Variants in XPO7 observed in about 807,000 individuals in gnomAD.
XPO7 encodes the protein exportin-7.
Under a neutral mutation model 144.3 loss-of-function variants are expected in XPO7, and 21 were observed. The observed-to-expected ratio is 0.15, with a 90% CI of 0.10 to 0.21. The LOEUF is 0.21. Ranked by LOEUF, XPO7 falls within the 10% of genes least tolerant of loss-of-function variation. XPO7 has a pLI of 1.00. For missense variants in XPO7, 808 were observed against 1,325.8 expected, an observed-to-expected ratio of 0.61 and a Z score of 6.06; for synonymous variants, 580 against 499.6, an observed-to-expected ratio of 1.16 and a Z score of -2.15.
rs1812219409 is a variant in XPO7 at position 21,976,275 on chromosome 8, C to G, written c.598-81C>G. On this transcript the variant is annotated intron_variant, in intron 6 of 27. Coordinates refer to ENST00000252512, the MANE Select transcript of XPO7 (RefSeq NM_015024.5). ...CTAACATATAGCCCTCCTTTTCTGACTTAACAGCTTTGTTGAGTCTGGGAG... is the reference window on the plus strand; with the variant it reads ...CTAACATATAGCCCTCCTTTTCTGAGTTAACAGCTTTGTTGAGTCTGGGAG... The G allele has an allele frequency of 5.3e-6, 8 of 1,507,766 alleles. No individual in the cohort carries two copies. The South Asian group carries it at 8.8e-5, about 17-fold the overall frequency. The allele number at this position is 1,507,766 out of a possible 1,614,324, so 93.4% of individuals were successfully genotyped here. A position where few individuals can be genotyped will look rare whatever the true frequency, so the allele number is the denominator to read the frequency against.
intron 24 of XPO7, 73 bp downstream of exon 24, chr8:21,999,747 C>A: frequency 6.3e-7 from 1 of 1,583,536 alleles, no homozygotes; most frequent in Non-Finnish European, 8.6e-7. Flanking sequence ...AAGAGAGAAT[C>A]TTGCCCCAGT....
In XPO7 at chr8:21,939,252, G is replaced by A. The variant is rs536194351; in HGVS notation, c.18+19464G>A. Among the ~76,000 whole-genome samples, 46 of 142,534 alleles carry A rather than the reference G, an allele frequency of 3.2e-4. No individual in the cohort carries two copies. In the South Asian group the frequency reaches 4.3e-3, roughly 13 times the overall value. The allele number at this position is 142,534 out of a possible 152,430, so 93.5% of individuals were successfully genotyped here. A position where few individuals can be genotyped will look rare whatever the true frequency, so the allele number is the denominator to read the frequency against. On this transcript the variant is annotated intron_variant, in intron 1 of 27. Coordinates refer to ENST00000252512, the MANE Select transcript of XPO7 (RefSeq NM_015024.5). ...TTTTTTTTTTTTGAGATGGAGTTTC[G>A]CTCTTCTTGCTGAGGCTGAAGTGCA...
chr8:21,998,975 G>C (rs1813044566), intron 22 of XPO7, 116 bp from the exon 23 acceptor site: 1 of 1,456,328 alleles, frequency 6.9e-7, no homozygotes, highest in Non-Finnish European at 9.5e-7. Context: ...ATGTGCATTA[G>C]AGTGCCACCT....
intron 17 of XPO7, 186 bp from the exon 18 acceptor site, chr8:21,990,625 T>C: frequency 1.4e-6 from 1 of 703,890 alleles, no homozygotes; most frequent in African/African-American, 1.8e-5. Flanking sequence ...CTGCTACTCA[T>C]ACTGCAGATA....
chr8:21,990,156 GTGT>G (rs1812722540), intron 16 of XPO7, among the ~76,000 whole-genome samples, 185 bp from the exon 17 acceptor site: 1 of 151,882 alleles, frequency 6.6e-6, no homozygotes, highest in Non-Finnish European at 1.5e-5. Context: ...GCCAGTATAG[GTGT>G]TTTCTTACTG....
intron 5 of XPO7, 82 bp downstream of exon 5, chr8:21,972,023 CT>C: frequency 6.6e-6 from 9 of 1,369,900 alleles, no homozygotes; most frequent in South Asian, 2.4e-5. Context: ...GTGGGATGAT[CT>C]TTTTTGGCAG....
intron 1 of XPO7, among the ~76,000 whole-genome samples, chr8:21,958,903 G>A (rs1219280287): frequency 6.6e-6 from 1 of 150,934 alleles, no homozygotes; most frequent in Non-Finnish European, 1.5e-5. Context: ...AGAGGTTGCA[G>A]TGAGCCGAGT....
chr8:21,984,345 G>A (rs1248537682), intron 11 of XPO7, among the ~76,000 whole-genome samples: 1 of 152,090 alleles, frequency 6.6e-6, no homozygotes, highest in Non-Finnish European at 1.5e-5. Flanking sequence ...AGAGTCAAGA[G>A]GTCAGACAGT....
At chr8:21,962,161 A>T (rs1811745905) in intron 1 of XPO7, among the ~76,000 whole-genome samples, 1 of 152,224 alleles carries the variant, frequency 6.6e-6, no homozygotes, top group South Asian at 2.1e-4. Context: ...GTGCATTTAT[A>T]AACATTCAAA....
intron 5 of XPO7, among the ~76,000 whole-genome samples, chr8:21,972,176 C>CTT (rs879403891): frequency 4.1e-5 from 6 of 144,844 alleles, no homozygotes; most frequent in African/African-American, 1.5e-4. Flanking sequence ...TCCATCTTAG[C>CTT]TTTTTTTTTT....
At chr8:21,960,670 A>C (rs1811698419) in intron 1 of XPO7, among the ~76,000 whole-genome samples, 1 of 152,236 alleles carries the variant, frequency 6.6e-6, no homozygotes, top group African/African-American at 2.4e-5. Flanking sequence ...CACTTGCTGA[A>C]AATAAGTATT....
chr8:21,950,490 T>C (rs776528063), intron 1 of XPO7, among the ~76,000 whole-genome samples: 1 of 152,220 alleles, frequency 6.6e-6, no homozygotes, highest in East Asian at 1.9e-4. Flanking sequence ...TTGACATGTT[T>C]AGGTTGCATC....
intron 15 of XPO7, 37 bp from the exon 16 acceptor site, chr8:21,988,966 A>G: frequency 1.3e-6 from 2 of 1,593,668 alleles, no homozygotes. Flanking sequence ...GCAAATCAAA[A>G]GGGTCTCCTG....
intron 1 of XPO7, among the ~76,000 whole-genome samples, chr8:21,958,744 G>C (rs1811622819): frequency 6.6e-6 from 1 of 152,010 alleles, no homozygotes; most frequent in South Asian, 2.1e-4. Flanking sequence ...TGGAATACCT[G>C]AGGTCAGGAG....
intron 1 of XPO7, among the ~76,000 whole-genome samples, chr8:21,949,057 A>G (rs1282404605): frequency 3.3e-5 from 5 of 152,212 alleles, no homozygotes; most frequent in Non-Finnish European, 7.3e-5. Context: ...AGTTTCCACA[A>G]GTGAACTTAG....
At chr8:21,974,224 G>A (rs1812156310) in intron 5 of XPO7, among the ~76,000 whole-genome samples, 2 of 135,232 alleles carry the variant, frequency 1.5e-5, no homozygotes, top group Non-Finnish European at 3.4e-5. Flanking sequence ...TTAGTTTTTA[G>A]AGGTGGTGGG....
chr8:21,982,804 C>T lies in XPO7; in HGVS notation c.1269C>T (p.Ile423=). Residue 423 remains isoleucine (I), a synonymous_variant, in exon 11 of 28, where the codon ATC becomes ATT. Coordinates refer to ENST00000252512, the MANE Select transcript of XPO7 (RefSeq NM_015024.5). ...CATCCCGGTTGGAATCTGTGCACAT[C>T]ATACTGAGGTAAGGAAACTTAGCCT... The part of the protein sequence containing the change: ...YITSRLESVH[I]ILRDGLEDPL... 1 of 1,601,562 alleles carries T rather than the reference C, an allele frequency of 6.2e-7. No homozygotes were observed. Among genetic ancestry groups the T allele is most frequent in the Non-Finnish European group, 8.5e-7 (1 of 1,176,158 alleles).
chr8:21,947,617 G>C (rs1402726755), intron 1 of XPO7, among the ~76,000 whole-genome samples: 1 of 152,104 alleles, frequency 6.6e-6, no homozygotes, highest in Non-Finnish European at 1.5e-5. Flanking sequence ...GCTCTTAGAA[G>C]ATAATATAAA....
intron 14 of XPO7, 34 bp downstream of exon 14, chr8:21,987,310 C>T: frequency 6.2e-7 from 1 of 1,612,232 alleles, no homozygotes; most frequent in Non-Finnish European, 8.5e-7. Context: ...CCTTAGTTCT[C>T]ACTTCTCACT....
Sources: gnomAD v4.1 joint callset for allele counts (sites outside exome capture counted in the v4.1 genomes callset) on GRCh38, gnomAD v4.1.1 for gene constraint, MANE v1.5 for transcripts, NCBI Gene and HGNC (gene_info 2026-07-23, HGNC 2026-07-21) for gene names.